ZNF469: variants seen among roughly 807,000 people sequenced by gnomAD.
The protein encoded by ZNF469 is zinc finger protein 469.
ZNF469 carries 1 observed loss-of-function variant against 1.0 expected under a neutral mutation model. The ratio of observed to expected loss-of-function variants is 1.00; its 90% CI spans 0.35 to 4.73. The LOEUF is 4.73. Ranked by LOEUF, ZNF469 falls within the 30% of genes most tolerant of loss-of-function variation. The pLI is 0.16. For missense variants in ZNF469, 6,100 were observed against 5,356.3 expected (o/e 1.14, Z -4.33); for synonymous variants, 2,703 against 2,363.4 (o/e 1.14, Z -4.17).
the ZNF469 span, among the ~76,000 whole-genome samples, chr16:88,374,483 GC>G: frequency 6.6e-6 from 1 of 152,330 alleles, no homozygotes; most frequent in African/African-American, 2.4e-5. Context: ...ATAGCTGGGG[GC>G]CCCGACAGGG....
chr16:88,130,744 A>T, the ZNF469 span, among the ~76,000 whole-genome samples: 1 of 150,740 alleles, frequency 6.6e-6, no homozygotes, highest in African/African-American at 2.4e-5. Context: ...CCTAATAAAA[A>T]CGGCAGCGCA....
chr16:88,189,506 G>A, the ZNF469 span, among the ~76,000 whole-genome samples: 7 of 152,326 alleles, frequency 4.6e-5, no homozygotes, highest in African/African-American at 7.2e-5. This position sits in a 1 kb window ranked among gnomAD's most constrained non-coding sequence, Gnocchi z 4.3. Context: ...CACTGGGCAC[G>A]TTCATTTATC....
the ZNF469 span, among the ~76,000 whole-genome samples, chr16:88,282,595 G>T: frequency 3.9e-5 from 6 of 152,330 alleles, 1 homozygote; most frequent in African/African-American, 1.4e-4. Context: ...GCTGGGGGAT[G>T]TCGCCAGACT....
chr16:88,427,887 C>G lies in ZNF469; in HGVS notation c.417C>G (p.Asn139Lys), dbSNP rs1905799074. The stretch of plus-strand genomic sequence containing the variant: ...CCACCCTGGACGAGACACCAGAGAA[C>G]CCACAGCTGGAGGCTGCCCAGCTCC... The part of the protein sequence containing the change: ...TKPTLDETPE[N>K]PQLEAAQLPE... Residue 139 changes from asparagine to lysine, a missense_variant, in exon 3 of 3, where the codon AAC becomes AAG. Transcript: ENST00000565624. 2 of 1,549,830 alleles carry G rather than the reference C, an allele frequency of 1.3e-6. No homozygotes were observed. The highest frequency in any genetic ancestry group is 2.0e-5 in the Admixed American group (1 of 50,996).
At chr16:88,243,911 C>CATATACATATATATATATAT in the ZNF469 span, among the ~76,000 whole-genome samples, 5 of 26,274 alleles carry the variant, frequency 1.9e-4, no homozygotes, top group Non-Finnish European at 3.9e-4. Flanking sequence ...TGGCTGGATG[C>CATATACATATATATATATAT]ATATATATAT....
the ZNF469 span, among the ~76,000 whole-genome samples, chr16:88,340,109 C>T: frequency 6.6e-6 from 1 of 152,142 alleles, no homozygotes. Context: ...AGCAAACAGC[C>T]CCCTCACCAC....
chr16:88,275,384 T>C, the ZNF469 span, among the ~76,000 whole-genome samples: 1 of 152,196 alleles, frequency 6.6e-6, no homozygotes, highest in Non-Finnish European at 1.5e-5. Context: ...CTACCTGGGT[T>C]ACTTGGAGTC....
the ZNF469 span, among the ~76,000 whole-genome samples, chr16:88,330,492 C>A: frequency 1.3e-5 from 2 of 152,220 alleles, no homozygotes; most frequent in African/African-American, 2.4e-5. Context: ...GGTTCTCATG[C>A]GTGAGCAACA....
At chr16:88,258,647 T>C in the ZNF469 span, among the ~76,000 whole-genome samples, 2 of 148,064 alleles carry the variant, frequency 1.4e-5, no homozygotes, top group Non-Finnish European at 3.0e-5. Context: ...GTTTAGACAC[T>C]TGGAGATTTG....
In ZNF469 at chr16:88,434,402, G is replaced by C; in HGVS notation, c.6932G>C (p.Arg2311Thr). 1 of 1,549,754 alleles carries C rather than the reference G, an allele frequency of 6.5e-7. No homozygotes were observed. The highest frequency in any genetic ancestry group is 1.2e-5 in the South Asian group (1 of 84,056). ...CTCCCAGGGCCAGACCCCCAGAGCA[G>C]GGGAGCCCCGCCCCACACCAACCCT... The part of the protein sequence containing the change: ...RGLPGPDPQS[R>T]GAPPHTNPDR... Residue 2311 changes from arginine (R) to threonine (T), a missense_variant, in exon 3 of 3, where the codon AGG (arginine) becomes ACG (threonine). Physicochemically the swap from Arg to Thr is moderately conservative, Grantham distance 71. Transcript: ENST00000565624.
chr16:88,164,425 G>A, the ZNF469 span, among the ~76,000 whole-genome samples: 17 of 152,172 alleles, frequency 1.1e-4, no homozygotes, highest in Admixed American at 3.9e-4. Context: ...GGATGTATAA[G>A]TGGGTAAGTG....
At chr16:88,321,472 G>A in the ZNF469 span, among the ~76,000 whole-genome samples, 1 of 151,888 alleles carries the variant, frequency 6.6e-6, no homozygotes, top group Non-Finnish European at 1.5e-5. Context: ...GGCCTCACCT[G>A]ATTGGATATG....
At chr16:88,239,715 ATTTTTTTTTTTTTTTT>A in the ZNF469 span, among the ~76,000 whole-genome samples, 4 of 6,792 alleles carry the variant, frequency 5.9e-4, no homozygotes, top group African/African-American at 1.4e-3. Flanking sequence ...ATATATATAT[ATTTTTTTTTTTTTTTT>A]TTTTTTTTTT....
the ZNF469 span, among the ~76,000 whole-genome samples, chr16:88,309,499 CGGGGGGAGT>C: frequency 0.023 from 3,253 of 139,094 alleles, 154 homozygotes; most frequent in African/African-American, 0.061. Context: ...GGACACCTGA[CGGGGGGAGT>C]GCCCTCTGAG....
chr16:88,281,788 TG>T, the ZNF469 span, among the ~76,000 whole-genome samples: 3 of 151,432 alleles, frequency 2.0e-5, no homozygotes, highest in Non-Finnish European at 4.4e-5. Context: ...CACCGATGCT[TG>T]GTCAGTACTG....
At chr16:88,354,079 A>C in the ZNF469 span, among the ~76,000 whole-genome samples, 1 of 152,204 alleles carries the variant, frequency 6.6e-6, no homozygotes. Context: ...CAACCTCAGC[A>C]CTGGGGACAG....
chr16:88,376,152 G>T, the ZNF469 span, among the ~76,000 whole-genome samples: 1 of 152,262 alleles, frequency 6.6e-6, no homozygotes, highest in Non-Finnish European at 1.5e-5. Flanking sequence ...AGGGCCAGTT[G>T]TCTGCACGCC....
At chr16:88,198,930 A>G in the ZNF469 span, among the ~76,000 whole-genome samples, 3 of 152,034 alleles carry the variant, frequency 2.0e-5, no homozygotes, top group South Asian at 4.1e-4. Context: ...GCCCCTGGCA[A>G]CTCCAGGGCG....
the ZNF469 span, among the ~76,000 whole-genome samples, chr16:88,290,586 G>T: frequency 2.6e-5 from 4 of 152,186 alleles, no homozygotes; most frequent in African/African-American, 9.7e-5. Context: ...GTAAATAAAT[G>T]TTGAGAGTCT....
Sources: gnomAD v4.1 joint callset for allele counts (sites outside exome capture counted in the v4.1 genomes callset) on GRCh38, gnomAD v4.1.1 for gene constraint, Gnocchi (gnomAD v3.1) non-coding constraint, MANE v1.5 for transcripts, NCBI Gene and HGNC (gene_info 2026-07-23, HGNC 2026-07-21) for gene names.